The following TUBB4B variants were observed in gnomAD, a reference collection of about 807,000 sequenced individuals.
TUBB4B encodes the protein tubulin beta-4B chain.
A neutral mutation model predicts 34.3 loss-of-function variants in TUBB4B; 7 were observed. The ratio of observed to expected loss-of-function variants is 0.20; its 90% confidence interval spans 0.12 to 0.38. The LOEUF is 0.38. TUBB4B is among the 10% of genes least tolerant of loss of function. The pLI, the probability that TUBB4B is intolerant of heterozygous loss-of-function variation, is 1.00. For missense variants in TUBB4B, 178 were observed against 610.9 expected, an observed-to-expected ratio of 0.29 and a Z score of 7.47; for synonymous variants, 390 against 250.2, an observed-to-expected ratio of 1.56 and a Z score of -5.27.
At position 137,243,322 on chromosome 9, in the gene TUBB4B, T is replaced by C. The variant is rs2131435270; in HGVS notation, c.1104T>C (p.Ile368=). ...GGCTAAAAATGTCCGCCACCTTCAT[T>C]GGCAACAGCACGGCCATCCAGGAGC... ...PRGLKMSATF[I]GNSTAIQELF... is the part of the protein sequence containing the mutation. The change falls in exon 4 of 4, where the codon ATT becomes ATC. Residue 368 remains isoleucine (I), a synonymous_variant. Transcript: ENST00000340384. 1.2e-6 allele frequency: 2 copies of C among 1,613,610 alleles called. No individual in the cohort carries two copies. Among genetic ancestry groups the C allele is most frequent in the Non-Finnish European group, 1.7e-6 (2 of 1,180,022 alleles).
chr9:137,243,570 T>G lies in TUBB4B; in HGVS notation c.*14T>G. ...GAGGTGGCCTAGAGCCTTCAGTCAC[T>G]GGGGAAAGCAGGGAAGCAGTGTGAA... On this transcript the variant is annotated 3_prime_UTR_variant, in exon 4 of 4. Coordinates refer to ENST00000340384, the MANE Select transcript of TUBB4B (RefSeq NM_006088.6). The G allele has an allele frequency of 6.2e-7, 1 of 1,613,634 alleles. No homozygotes were observed. Among genetic ancestry groups the G allele is most frequent in the Non-Finnish European group, 8.5e-7 (1 of 1,179,708 alleles).
Position 137,242,956 on chromosome 9 carries a change from C to A in TUBB4B, c.738C>A (p.Leu246=), listed in dbSNP as rs151064868. The change falls in exon 4 of 4, where the codon CTC becomes CTA. Residue 246 remains leucine (L), a synonymous_variant. Coordinates refer to ENST00000340384, the MANE Select transcript of TUBB4B (RefSeq NM_006088.6). ...VTTCLRFPGQ[L]NADLRKLAVN... is the part of the protein sequence containing the mutation. ...CCTGCCTGCGCTTCCCAGGCCAGCT[C>A]AATGCTGACCTGCGGAAGCTGGCTG... 54 of 1,613,028 alleles carry A rather than the reference C, an allele frequency of 3.3e-5. No individual in the cohort carries two copies. The highest frequency in any genetic ancestry group is 4.5e-5 in the Non-Finnish European group (53 of 1,180,042).
At chr9:137,242,174 TC>T in intron 3 of TUBB4B, 153 bp downstream of exon 3, 1 of 795,578 alleles carries the variant, frequency 1.3e-6, no homozygotes, top group Non-Finnish European at 2.0e-6. Flanking sequence ...GGGAGCAAGG[TC>T]CAGCTGTCTG....
At chr9:137,241,476 G>C in intron 1 of TUBB4B, 59 bp downstream of exon 1, 1 of 1,337,102 alleles carries the variant, frequency 7.5e-7, no homozygotes, top group South Asian at 1.7e-5. Flanking sequence ...GCGGGCGGCC[G>C]GGGAAGATGG....
In TUBB4B at chr9:137,241,340, C is replaced by CCCCG; in HGVS notation, c.-19_-18insCGCC. Reference sequence around the variant, plus strand: ...CTGTTTGTCTACTTCCTCCTGCTTCCCCGCCGCCGCCGCCGCCATCATGAG... The same window carrying CCCCG: ...CTGTTTGTCTACTTCCTCCTGCTTCCCCCGCCGCCGCCGCCGCCGCCATCATGAG... On this transcript the variant is annotated 5_prime_UTR_variant, in exon 1 of 4. Coordinates refer to ENST00000340384, the MANE Select transcript of TUBB4B (RefSeq NM_006088.6). 1.3e-6 allele frequency: 2 copies of CCCCG among 1,590,790 alleles called. No homozygotes were observed. Among genetic ancestry groups the CCCCG allele is most frequent in the Non-Finnish European group, 1.7e-6 (2 of 1,173,290 alleles).
chr9:137,242,141 A>G (rs1191166758), intron 3 of TUBB4B, 120 bp downstream of exon 3: 21 of 1,016,940 alleles, frequency 2.1e-5, no homozygotes, highest in Non-Finnish European at 2.9e-5. Flanking sequence ...GAGCCACTCA[A>G]TCCCCTCTAC....
chr9:137,242,370 G>A (rs774859530), intron 3 of TUBB4B, 126 bp from the exon 4 acceptor site: 1 of 1,204,034 alleles, frequency 8.3e-7, no homozygotes, highest in Non-Finnish European at 1.2e-6. Context: ...TGAAGGGTCC[G>A]TTTGCTCTAC....
In TUBB4B at chr9:137,241,313, T is replaced by A; in HGVS notation, c.-48T>A. ...GCACTCTGCGCGCCCGCTCTTCTGC[T>A]GCTGTTTGTCTACTTCCTCCTGCTT... On this transcript the variant is annotated 5_prime_UTR_variant, in exon 1 of 4. Transcript: ENST00000340384. 4 of 1,580,220 alleles carry A rather than the reference T, an allele frequency of 2.5e-6. No homozygotes were observed. The highest frequency in any genetic ancestry group is 2.6e-6 in the Non-Finnish European group (3 of 1,169,376).
chr9:137,242,096 C>A, intron 3 of TUBB4B, 75 bp downstream of exon 3: 1 of 1,449,044 alleles, frequency 6.9e-7, no homozygotes, highest in Non-Finnish European at 9.4e-7. Context: ...GTGGGAACTG[C>A]GCAGCCGGGG....
chr9:137,241,511 C>T (rs921152289), intron 1 of TUBB4B, 94 bp downstream of exon 1: 45 of 1,104,400 alleles, frequency 4.1e-5, no homozygotes, highest in South Asian at 1.3e-4. Flanking sequence ...GGGCGGCGCC[C>T]CCGCATTGCG....
chr9:137,242,836 T>G lies in TUBB4B; in HGVS notation c.618T>G (p.Ala206=). 1 of 1,613,708 alleles carries G rather than the reference T, an allele frequency of 6.2e-7. No individual in the cohort carries two copies. The highest frequency in any genetic ancestry group is 8.5e-7 in the Non-Finnish European group (1 of 1,180,006). The change falls in exon 4 of 4, where the codon GCT becomes GCG. Residue 206 remains alanine, a synonymous_variant. Transcript: ENST00000340384. ...AGACCTACTGCATTGATAACGAAGC[T>G]CTCTACGACATTTGCTTCAGAACCC... ...TDETYCIDNE[A]LYDICFRTLK... is the part of the protein sequence containing the mutation.
intron 3 of TUBB4B, 66 bp from the exon 4 acceptor site, chr9:137,242,430 T>C (rs929703661): frequency 9.6e-6 from 15 of 1,559,958 alleles, no homozygotes; most frequent in Non-Finnish European, 1.3e-5. Flanking sequence ...TCGGCTTTTT[T>C]CGCATGGCGG....
At chr9:137,241,693 C>G in intron 1 of TUBB4B, 28 bp from the exon 2 acceptor site, 12 of 1,594,588 alleles carry the variant, frequency 7.5e-6, no homozygotes, top group Non-Finnish European at 1.0e-5. Flanking sequence ...AGCCCCGGCC[C>G]GCCCGGGCCC....
chr9:137,241,651 GC>G (rs1836746996), intron 1 of TUBB4B, 69 bp from the exon 2 acceptor site: 1 of 1,227,472 alleles, frequency 8.1e-7, no homozygotes, highest in African/African-American at 1.6e-5. Flanking sequence ...CCGGGGCGGG[GC>G]TGCCTCCCTG....
In TUBB4B at chr9:137,242,815, C is replaced by G; in HGVS notation, c.597C>G (p.Thr199=). ...VHQLVENTDE[T]YCIDNEALYD... is the part of the protein sequence containing the mutation. ...AGCTCGTAGAAAACACAGACGAGAC[C>G]TACTGCATTGATAACGAAGCTCTCT... Residue 199 remains threonine (T), a synonymous_variant, in exon 4 of 4, where the codon ACC becomes ACG. Transcript: ENST00000340384. The G allele has an allele frequency of 1.2e-6, 2 of 1,613,868 alleles. No individual in the cohort carries two copies. The highest frequency in any genetic ancestry group is 1.7e-6 in the Non-Finnish European group (2 of 1,180,032).
chr9:137,242,383 C>T lies in TUBB4B; in HGVS notation c.278-113C>T. On this transcript the variant is annotated intron_variant, in intron 3 of 3. Coordinates refer to ENST00000340384, the MANE Select transcript of TUBB4B (RefSeq NM_006088.6). ...TTTGAAGGGTCCGTTTGCTCTACCT[C>T]CAGGGTGAATTCTGTGGTCAGCTCA... 5 of 1,316,424 alleles carry T rather than the reference C, an allele frequency of 3.8e-6. No homozygotes were observed. In the East Asian group the frequency reaches 7.3e-5, roughly 19 times the overall value. 81.5% of individuals were successfully genotyped at this position (1,316,424 alleles called of 1,614,324 possible).
intron 3 of TUBB4B, 122 bp downstream of exon 3, chr9:137,242,143 C>G (rs553607077): frequency 4.0e-6 from 4 of 1,001,230 alleles, no homozygotes; most frequent in Admixed American, 2.8e-5. Flanking sequence ...GCCACTCAAT[C>G]CCCTCTACTA....
In TUBB4B at chr9:137,243,687, C is replaced by G; in HGVS notation, c.*131C>G. On this transcript the variant is annotated 3_prime_UTR_variant, in exon 4 of 4. Coordinates refer to ENST00000340384, the MANE Select transcript of TUBB4B (RefSeq NM_006088.6). ...CACATCCATGCTGTACAGACACCAC[C>G]ATTAAAGCATTTTCATAGTGTGTGG... 1 of 1,614,114 alleles carries G rather than the reference C, an allele frequency of 6.2e-7. No individual in the cohort carries two copies. The highest frequency in any genetic ancestry group is 8.5e-7 in the Non-Finnish European group (1 of 1,179,972).
chr9:137,243,451 C>G lies in TUBB4B; in HGVS notation c.1233C>G (p.Ala411=), dbSNP rs141667615. ...EGMDEMEFTE[A]ESNMNDLVSE... is the part of the protein sequence containing the mutation. Reference sequence around the variant, plus strand: ...TGGACGAGATGGAGTTCACCGAGGCCGAGAGCAACATGAATGACCTGGTGT... The same window carrying G: ...TGGACGAGATGGAGTTCACCGAGGCGGAGAGCAACATGAATGACCTGGTGT... Residue 411 remains alanine, a synonymous_variant, in exon 4 of 4, where the codon GCC becomes GCG. Coordinates refer to ENST00000340384, the MANE Select transcript of TUBB4B (RefSeq NM_006088.6). 1.9e-6 allele frequency: 3 copies of G among 1,613,584 alleles called. No individual in the cohort carries two copies. The highest frequency in any genetic ancestry group is 2.7e-5 in the African/African-American group (2 of 74,912).
Sources: allele counts gnomAD v4.1 joint callset, GRCh38; gene constraint gnomAD v4.1.1; transcripts MANE v1.5; gene names NCBI Gene and HGNC (gene_info 2026-07-23, HGNC 2026-07-21).